BBS9: variants seen among roughly 807,000 people sequenced by gnomAD.
BBS9 encodes the protein protein PTHB1.
A neutral mutation model predicts 117.7 loss-of-function variants in BBS9; 89 were observed. The observed-to-expected ratio is 0.76, with a 90% CI of 0.64 to 0.90. The LOEUF (loss-of-function observed/expected upper bound fraction) is 0.90. Ranked by LOEUF, BBS9 falls within the 40% of genes least tolerant of loss-of-function variation. BBS9 has a pLI of 0.00. For missense variants in BBS9, 982 were observed against 1,042.2 expected (o/e 0.94, Z 0.80); for synonymous variants, 379 against 370.9 (o/e 1.02, Z -0.25).
chr7:33,243,125 A>G (rs913483870), intron 5 of BBS9, among the ~76,000 whole-genome samples: 6 of 152,206 alleles, frequency 3.9e-5, no homozygotes, highest in African/African-American at 1.4e-4. Flanking sequence ...TGTTAATTTC[A>G]TTGGACTTCT....
At chr7:33,437,617 T>C (rs979181443) in intron 19 of BBS9, among the ~76,000 whole-genome samples, 2 of 152,194 alleles carry the variant, frequency 1.3e-5, no homozygotes, top group Admixed American at 1.3e-4. Flanking sequence ...CTCATGCCTG[T>C]AATCCCAGCA....
chr7:33,220,725 A>T (rs1790086319), intron 5 of BBS9, among the ~76,000 whole-genome samples: 1 of 152,140 alleles, frequency 6.6e-6, no homozygotes, highest in East Asian at 1.9e-4. Flanking sequence ...GTGTTTACTT[A>T]TTTACGTTTA....
intron 19 of BBS9, among the ~76,000 whole-genome samples, chr7:33,434,534 C>T (rs528188478): frequency 9.2e-5 from 14 of 152,038 alleles, no homozygotes; most frequent in Non-Finnish European, 1.8e-4. Flanking sequence ...AATATTTGAA[C>T]GGAAATATGG....
intron 21 of BBS9, among the ~76,000 whole-genome samples, chr7:33,615,325 G>A (rs1865075634): frequency 6.6e-6 from 1 of 152,046 alleles, no homozygotes; most frequent in African/African-American, 2.4e-5. Flanking sequence ...AACAACTCTA[G>A]TATACTAAGG....
chr7:33,415,784 A>C (rs528599416), intron 19 of BBS9, among the ~76,000 whole-genome samples: 2 of 152,254 alleles, frequency 1.3e-5, no homozygotes, highest in South Asian at 4.1e-4. Context: ...CATCTTCTTG[A>C]TCAGACATTA....
intron 19 of BBS9, among the ~76,000 whole-genome samples, chr7:33,475,214 A>G (rs573734494): frequency 6.6e-6 from 1 of 152,326 alleles, no homozygotes; most frequent in Non-Finnish European, 1.5e-5. Flanking sequence ...ACAATAGACA[A>G]TAAATAAATA....
intron 19 of BBS9, among the ~76,000 whole-genome samples, chr7:33,481,313 C>G (rs1456185638): frequency 6.6e-6 from 1 of 152,016 alleles, no homozygotes; most frequent in Non-Finnish European, 1.5e-5. Context: ...TGACATTGGA[C>G]AAGATAAACA....
intron 21 of BBS9, among the ~76,000 whole-genome samples, chr7:33,577,919 G>A (rs969291063): frequency 1.4e-4 from 21 of 152,098 alleles, no homozygotes; most frequent in African/African-American, 5.1e-4. Context: ...GAGGAGTAGA[G>A]GAGGAATAGC....
At chr7:33,619,008 T>C (rs1158960831) in intron 21 of BBS9, among the ~76,000 whole-genome samples, 2 of 152,094 alleles carry the variant, frequency 1.3e-5, no homozygotes, top group African/African-American at 4.8e-5. Flanking sequence ...TAGAAGTCCT[T>C]CTCATTAATT....
intron 2 of BBS9, among the ~76,000 whole-genome samples, chr7:33,146,567 T>G (rs1305440938): frequency 6.6e-6 from 1 of 151,924 alleles, no homozygotes; most frequent in African/African-American, 2.4e-5. Flanking sequence ...GGCTTGGTGG[T>G]GGGCATCTGT....
At chr7:33,435,237 G>A (rs1226918212) in intron 19 of BBS9, among the ~76,000 whole-genome samples, 1 of 152,106 alleles carries the variant, frequency 6.6e-6, no homozygotes, top group Non-Finnish European at 1.5e-5. Flanking sequence ...GAAGCATAGG[G>A]ATTATCAGAA....
intron 19 of BBS9, among the ~76,000 whole-genome samples, chr7:33,474,242 A>G (rs1841485578): frequency 6.6e-6 from 1 of 152,178 alleles, no homozygotes; most frequent in Non-Finnish European, 1.5e-5. Flanking sequence ...TTGGGGGGAA[A>G]TTTAATTTGC....
chr7:33,344,505 T>G (rs767488202), intron 11 of BBS9, 76 bp from the exon 12 acceptor site: 1 of 1,208,548 alleles, frequency 8.3e-7, no homozygotes, highest in East Asian at 2.3e-5. Context: ...AAATATACAT[T>G]GCACTCATTG....
chr7:33,530,227 G>A (rs534588513), intron 20 of BBS9, among the ~76,000 whole-genome samples: 1 of 152,116 alleles, frequency 6.6e-6, no homozygotes, highest in Non-Finnish European at 1.5e-5. Context: ...TATTTTAGTG[G>A]CAATCTTTCT....
At chr7:33,339,067 A>G (rs1197619723) in intron 10 of BBS9, among the ~76,000 whole-genome samples, 3 of 152,198 alleles carry the variant, frequency 2.0e-5, no homozygotes, top group Admixed American at 6.5e-5. Flanking sequence ...GTCTGGCTAC[A>G]TGTCACAAGA....
intron 5 of BBS9, among the ~76,000 whole-genome samples, chr7:33,205,971 A>C (rs1786836583): frequency 6.6e-6 from 1 of 152,232 alleles, no homozygotes; most frequent in Non-Finnish European, 1.5e-5. Flanking sequence ...TAAGTCCAGT[A>C]GTCACCTATC....
At chr7:33,479,009 G>A (rs1271683759) in intron 19 of BBS9, among the ~76,000 whole-genome samples, 2 of 151,720 alleles carry the variant, frequency 1.3e-5, no homozygotes, top group South Asian at 2.1e-4. Context: ...AAATTAGCAA[G>A]CAAGCTAGGC....
chr7:33,188,080 A>ATGTGTGTGTGTGTGTGTGTGTGTG (rs145485929), intron 5 of BBS9, among the ~76,000 whole-genome samples: 43 of 73,094 alleles, frequency 5.9e-4, no homozygotes, highest in South Asian at 1.3e-3. Context: ...AGTTGAGTGA[A>ATGTGTGTGTGTGTGTGTGTGTGTG]TGTGTGTGTG....
intron 9 of BBS9, among the ~76,000 whole-genome samples, chr7:33,286,669 A>G (rs143953466): frequency 9.2e-5 from 14 of 152,138 alleles, no homozygotes; most frequent in African/African-American, 2.9e-4. Context: ...AAAAGAGAAA[A>G]AGTGATTTAT....
Sources: gnomAD v4.1 joint callset for allele counts (sites outside exome capture counted in the v4.1 genomes callset) on GRCh38, gnomAD v4.1.1 for gene constraint, MANE v1.5 for transcripts, NCBI Gene and HGNC (gene_info 2026-07-23, HGNC 2026-07-21) for gene names.